CDH6: variants seen among roughly 807,000 people sequenced by gnomAD.
CDH6 encodes cadherin 6.
In CDH6, 31 loss-of-function variants were observed where a neutral mutation model predicts 78.0. The observed-to-expected ratio is 0.40, with a 90% CI of 0.30 to 0.54. The LOEUF is 0.54. CDH6 is among the 20% of genes least tolerant of loss of function. CDH6 has a pLI of 0.56. For synonymous variants in CDH6, 376 were observed against 368.8 expected (o/e 1.02, Z -0.23); for missense variants, 724 against 975.9 (o/e 0.74, Z 3.44).
At chr5:31,319,463 C>G (rs1455535853) in intron 11 of CDH6, among the ~76,000 whole-genome samples, 1 of 152,234 alleles carries the variant, frequency 6.6e-6, no homozygotes, top group Non-Finnish European at 1.5e-5. Flanking sequence ...ATCCTCAGCA[C>G]CATTTGGTGT....
rs754397330 is a variant in CDH6 at position 31,323,109 on chromosome 5, C to G, written c.2174C>G (p.Thr725Arg). ...AACCAAAGGTTAAAGGAAAATGACA[C>G]GGACCCCACTGCCCCGCCATACGAC... is the stretch of plus-strand genomic sequence containing the variant. ...FINQRLKEND[T>R]DPTAPPYDSL... Residue 725 changes from threonine to arginine, a missense_variant, in exon 12 of 12, where the codon ACG becomes AGG. Thr to Arg is a moderately conservative substitution (Grantham distance 71). Transcript: ENST00000265071. 1 of 1,614,042 alleles carries G rather than the reference C, an allele frequency of 6.2e-7. No individual in the cohort carries two copies. Among genetic ancestry groups the G allele is most frequent in the African/African-American group, 1.3e-5 (1 of 74,926 alleles).
Position 31,323,406 on chromosome 5 carries a change from C to T in CDH6, c.*98C>T. On this transcript the variant is annotated 3_prime_UTR_variant, in exon 12 of 12. Transcript: ENST00000265071. ...ACTCCGTGAAGGCTTCTCTGTTCTA[C>T]CCGTTCCAAAAGCCAATGGCTGCAG... is the stretch of plus-strand genomic sequence containing the variant. The T allele has an allele frequency of 7.2e-7, 1 of 1,393,406 alleles. No individual in the cohort carries two copies. Among genetic ancestry groups the T allele is most frequent in the South Asian group, 1.4e-5 (1 of 71,244 alleles). The allele number at this position is 1,393,406 out of a possible 1,614,324, so 86.3% of individuals were successfully genotyped here. A position where few individuals can be genotyped will look rare whatever the true frequency, so the allele number is the denominator to read the frequency against.
intron 1 of CDH6, among the ~76,000 whole-genome samples, chr5:31,203,714 G>A (rs1241632693): frequency 6.6e-6 from 1 of 151,840 alleles, no homozygotes; most frequent in Non-Finnish European, 1.5e-5. Context: ...ACATACGTGT[G>A]CATGTGTCTT....
intron 8 of CDH6, among the ~76,000 whole-genome samples, chr5:31,314,301 C>T (rs1292666156): frequency 9.1e-6 from 1 of 109,852 alleles, no homozygotes; most frequent in Admixed American, 1.2e-4. Context: ...CCTCCCCCCT[C>T]CCCCCACCCC....
At chr5:31,256,055 G>A (rs886237320) in intron 1 of CDH6, among the ~76,000 whole-genome samples, 1 of 152,208 alleles carries the variant, frequency 6.6e-6, no homozygotes, top group Non-Finnish European at 1.5e-5. Context: ...TGTTTAGTGG[G>A]AAAGGTGAAG....
chr5:31,322,801 T>G lies in CDH6; in HGVS notation c.1883-17T>G. ...ATTAACTTTTCCTTCCCTTTCTGTT[T>G]TGTTTTCTGCTTCCAGTGACAGTGG... On this transcript the variant is annotated splice_polypyrimidine_tract_variant and intron_variant, in intron 11 of 11. Coordinates refer to ENST00000265071, the MANE Select transcript of CDH6 (RefSeq NM_004932.4). 1 of 1,595,436 alleles carries G rather than the reference T, an allele frequency of 6.3e-7. No individual in the cohort carries two copies. Among genetic ancestry groups the G allele is most frequent in the Non-Finnish European group, 8.6e-7 (1 of 1,169,288 alleles).
chr5:31,321,673 A>G (rs1738481697), intron 11 of CDH6, among the ~76,000 whole-genome samples: 1 of 152,182 alleles, frequency 6.6e-6, no homozygotes, highest in African/African-American at 2.4e-5. Context: ...ATTATTATAT[A>G]GGTAGTTTTG....
chr5:31,274,018 G>A (rs910883349), intron 2 of CDH6, among the ~76,000 whole-genome samples: 12 of 152,208 alleles, frequency 7.9e-5, no homozygotes, highest in African/African-American at 2.6e-4. Context: ...AGTGCCTTGG[G>A]CACATCTCTC....
chr5:31,295,408 T>C (rs1265034004), intron 3 of CDH6, among the ~76,000 whole-genome samples: 1 of 152,142 alleles, frequency 6.6e-6, no homozygotes, highest in African/African-American at 2.4e-5. Context: ...AGGGCAACTG[T>C]AACCAGCTAT....
Position 31,322,906 on chromosome 5 carries a change from C to T in CDH6, c.1971C>T (p.Val657=), listed in dbSNP as rs773781246. The change falls in exon 12 of 12, where the codon GTC becomes GTT. Residue 657 remains valine, a synonymous_variant. Coordinates refer to ENST00000265071, the MANE Select transcript of CDH6 (RefSeq NM_004932.4). The part of the protein sequence containing the change: ...ISKEDIRDNI[V]SYNDEGGGEE... Reference sequence around the variant, plus strand: ...AAGAGGACATCAGAGATAACATTGTCAGTTACAACGACGAAGGTGGTGGAG... The same window carrying T: ...AAGAGGACATCAGAGATAACATTGTTAGTTACAACGACGAAGGTGGTGGAG... 3 of 1,613,978 alleles carry T rather than the reference C, an allele frequency of 1.9e-6. No individual in the cohort carries two copies. Among genetic ancestry groups the T allele is most frequent in the Non-Finnish European group, 2.5e-6 (3 of 1,180,020 alleles).
intron 1 of CDH6, among the ~76,000 whole-genome samples, chr5:31,229,840 C>A (rs1173620011): frequency 6.6e-6 from 1 of 152,138 alleles, no homozygotes; most frequent in African/African-American, 2.4e-5. Flanking sequence ...CGGGCTGAGG[C>A]TTTTTGCCCT....
chr5:31,256,956 T>C (rs1264354342), intron 1 of CDH6, among the ~76,000 whole-genome samples: 1 of 152,170 alleles, frequency 6.6e-6, no homozygotes, highest in African/African-American at 2.4e-5. Context: ...GAGAGTAAGA[T>C]CTAAACCCCA....
intron 1 of CDH6, among the ~76,000 whole-genome samples, chr5:31,208,842 G>T (rs1384384406): frequency 1.3e-5 from 2 of 152,178 alleles, no homozygotes; most frequent in African/African-American, 4.8e-5. Context: ...GTACCTTGTT[G>T]TAACCTTGAA....
Position 31,302,159 on chromosome 5 carries a change from T to C in CDH6, c.860T>C (p.Ile287Thr), listed in dbSNP as rs749724255. 5.8e-5 allele frequency: 93 copies of C among 1,613,884 alleles called. No homozygotes were observed. Among genetic ancestry groups the C allele is most frequent in the Non-Finnish European group, 7.4e-5 (87 of 1,179,932 alleles). ...GAATCTTCTCCACCGGGGACACCAA[T>C]TGGCAGAATCAAAGCCAGCGACGCT... Reference protein sequence around the residue: ...TPESSPPGTPIGRIKASDADV... With the variant: ...TPESSPPGTPTGRIKASDADV... Residue 287 changes from isoleucine (I) to threonine (T), a missense_variant, in exon 6 of 12, where the codon ATT (isoleucine) becomes ACT (threonine). Around this residue, in one of 3 missense-constraint regions of CDH6, gnomAD observed 446 missense variants for 684.5 expected, o/e 0.65. Coordinates refer to ENST00000265071, the MANE Select transcript of CDH6 (RefSeq NM_004932.4).
intron 1 of CDH6, among the ~76,000 whole-genome samples, chr5:31,204,890 A>G (rs1008854299): frequency 1.3e-5 from 2 of 152,206 alleles, no homozygotes; most frequent in Non-Finnish European, 2.9e-5. Flanking sequence ...TGAGTTTGTC[A>G]AGTACTTTCC....
intron 1 of CDH6, among the ~76,000 whole-genome samples, chr5:31,254,601 C>T (rs7717641): frequency 0.61 from 92,117 of 152,042 alleles, 28,574 homozygotes; most frequent in African/African-American, 0.74. Flanking sequence ...ATTTCAGGCA[C>T]CTATTGGGGG....
At chr5:31,245,183 A>G (rs1158003259) in intron 1 of CDH6, among the ~76,000 whole-genome samples, 4 of 152,210 alleles carry the variant, frequency 2.6e-5, no homozygotes, top group Admixed American at 2.6e-4. Context: ...CATGTATATG[A>G]CACAGTCTGA....
At chr5:31,318,863 G>A (rs1738399741) in intron 11 of CDH6, 1 of 226,846 alleles carries the variant, frequency 4.4e-6, no homozygotes, top group African/African-American at 2.2e-5. Context: ...ATTTCACCAA[G>A]AACAGAATGC....
rs1738615340 is a variant in CDH6 at position 31,325,898 on chromosome 5, T to C, written c.*2590T>C. The C allele has an allele frequency of 4.3e-6, 1 of 232,018 alleles. No individual in the cohort carries two copies. The highest frequency in any genetic ancestry group is 5.6e-5 in the Admixed American group (1 of 17,734). The allele number at this position is 232,018 out of a possible 1,614,324, so 14.4% of individuals were successfully genotyped here. On this transcript the variant is annotated 3_prime_UTR_variant, in exon 12 of 12. Transcript: ENST00000265071. ...GTATCAAGTTGGAGTGACGTTTTCC[T>C]ATAATTCAGACTCTTTGACATCGTG...
Sources: gnomAD v4.1 joint callset for allele counts (sites outside exome capture counted in the v4.1 genomes callset) on GRCh38, gnomAD v4.1.1 for gene constraint, gnomAD v4.1.1 regional missense constraint, MANE v1.5 for transcripts, NCBI Gene and HGNC (gene_info 2026-07-23, HGNC 2026-07-21) for gene names.